Variants in KDM6B observed in about 807,000 individuals in gnomAD.
The protein encoded by KDM6B is lysine demethylase 6B.
In KDM6B, 22 loss-of-function variants were observed where a neutral mutation model predicts 150.4. The ratio of observed to expected loss-of-function variants is 0.15; its 90% CI spans 0.10 to 0.21. The LOEUF (loss-of-function observed/expected upper bound fraction) is 0.21, where lower values mean the gene tolerates loss of function less well. Among genes scored for constraint, KDM6B ranks in the 10% least tolerant of loss-of-function variants. The pLI is 1.00. For missense variants in KDM6B, 1,984 were observed against 2,234.3 expected, an observed-to-expected ratio of 0.89 and a Z score of 2.26; for synonymous variants, 1,148 against 921.1, an observed-to-expected ratio of 1.25 and a Z score of -4.46.
At chr17:7,836,503 A>G (rs2078335497) in intron 1 of KDM6B, among the ~76,000 whole-genome samples, 1 of 152,122 alleles carries the variant, frequency 6.6e-6, no homozygotes, top group Non-Finnish European at 1.5e-5. Flanking sequence ...TGCAGATGGA[A>G]GACGGAGCCC....
At chr17:7,850,746 T>A (rs2078675928) in intron 14 of KDM6B, among the ~76,000 whole-genome samples, 1 of 152,216 alleles carries the variant, frequency 6.6e-6, no homozygotes, top group Admixed American at 6.5e-5. Flanking sequence ...TCAGGTGCGG[T>A]GCACATGGCC....
In KDM6B at chr17:7,851,814, G is replaced by A. The variant is rs757785361; in HGVS notation, c.4165+18G>A. 1.9e-5 allele frequency: 30 copies of A among 1,556,364 alleles called. No homozygotes were observed. The African/African-American group carries it at 3.0e-4, about 16-fold the overall frequency. On this transcript the variant is annotated intron_variant, in intron 18 of 23. Coordinates refer to ENST00000448097, the MANE Select transcript of KDM6B (RefSeq NM_001348716.2). Reference sequence around the variant, plus strand: ...AACGCCAGGTGCGCTCCACGCCTGTGCGCGCTGATGCTGGAAGCGCGAGAG... The same window carrying A: ...AACGCCAGGTGCGCTCCACGCCTGTACGCGCTGATGCTGGAAGCGCGAGAG...
rs149649053 is a variant in KDM6B, at chr17:7,849,854, C to G, written c.3474C>G (p.Ser1158=). ...AGGTGAAAGGGAAGTTTCGAGAGTC[C>G]TACCTTTCCCCTGCCCAGTCTGTGA... is the stretch of plus-strand genomic sequence containing the variant. ...NAKVKGKFRE[S]YLSPAQSVKP... The change falls in exon 13 of 24, where the codon TCC becomes TCG. Residue 1158 remains serine, a synonymous_variant. Transcript: ENST00000448097. 18 of 1,613,168 alleles carry G rather than the reference C, an allele frequency of 1.1e-5. No homozygotes were observed. In the African/African-American group the frequency reaches 2.3e-4, roughly 20 times the overall value.
rs2078753786 is a variant in KDM6B at position 7,853,753 on chromosome 17, C to T, written c.*232C>T. 2 of 316,240 alleles carry T rather than the reference C, an allele frequency of 6.3e-6. No homozygotes were observed. The highest frequency in any genetic ancestry group is 5.3e-5 in the East Asian group (1 of 18,716). 19.6% of individuals were successfully genotyped at this position (316,240 alleles called of 1,614,324 possible). A position where few individuals can be genotyped will look rare whatever the true frequency, so the allele number is the denominator to read the frequency against. ...GGAGACGGGGGAGGGGGCTGGCAGC[C>T]CCTCGCCCACCAGCGCCTCCCCTCA... On this transcript the variant is annotated 3_prime_UTR_variant, in exon 24 of 24. Coordinates refer to ENST00000448097, the MANE Select transcript of KDM6B (RefSeq NM_001348716.2).
intron 2 of KDM6B, among the ~76,000 whole-genome samples, chr17:7,841,623 G>A (rs1363151036): frequency 1.3e-5 from 2 of 152,226 alleles, no homozygotes; most frequent in East Asian, 3.8e-4. Context: ...AGGGAGACAA[G>A]ATGAGCAGAT....
chr17:7,845,004 G>T lies in KDM6B; in HGVS notation c.-165G>T, dbSNP rs2078502056. 14 of 180,884 alleles carry T rather than the reference G, an allele frequency of 7.7e-5. No individual in the cohort carries two copies. The highest frequency in any genetic ancestry group is 6.2e-4 in the South Asian group (6 of 9,682). The allele number at this position is 180,884 out of a possible 1,614,324, so 11.2% of individuals were successfully genotyped here. A position where few individuals can be genotyped will look rare whatever the true frequency, so the allele number is the denominator to read the frequency against. On this transcript the variant is annotated 5_prime_UTR_variant, in exon 3 of 24. Coordinates refer to ENST00000448097, the MANE Select transcript of KDM6B (RefSeq NM_001348716.2). ...GAGCTTGCCGACGCGGTGTGAGGAC[G>T]CTCCCACGGAGGCCGGGTAAGCGGC...
At chr17:7,837,987 T>C (rs937269362) in intron 1 of KDM6B, among the ~76,000 whole-genome samples, 2 of 151,968 alleles carry the variant, frequency 1.3e-5, no homozygotes, top group African/African-American at 4.8e-5. Context: ...AGATTTGTAT[T>C]GCTTTCTTTA....
Position 7,847,578 on chromosome 17 carries a change from G to A in KDM6B, c.1290G>A (p.Leu430=). The change falls in exon 12 of 24, where the codon CTG becomes CTA. Residue 430 remains leucine, a synonymous_variant. Coordinates refer to ENST00000448097, the MANE Select transcript of KDM6B (RefSeq NM_001348716.2). ...PGADHYQTPA[L]EVSHHGRLGP... is the part of the protein sequence containing the mutation. ...CTGACCATTACCAAACTCCCGCGCT[G>A]GAGGTCTCTCACCATGGCCGCCTGG... The A allele has an allele frequency of 6.2e-7, 1 of 1,613,356 alleles. No homozygotes were observed.
intron 17 of KDM6B, 42 bp from the exon 18 acceptor site, chr17:7,851,606 C>CG (rs776146900): frequency 5.4e-5 from 87 of 1,605,682 alleles, no homozygotes; most frequent in South Asian, 2.0e-4. Flanking sequence ...GACCTCGTGG[C>CG]GGGGGCGGGG....
rs748221551 is a variant in KDM6B at position 7,848,094 on chromosome 17, G to T, written c.1806G>T (p.Leu602=). 1 of 1,611,528 alleles carries T rather than the reference G, an allele frequency of 6.2e-7. No individual in the cohort carries two copies. Among genetic ancestry groups the T allele is most frequent in the Non-Finnish European group, 8.5e-7 (1 of 1,179,458 alleles). Reference sequence around the variant, plus strand: ...CCCAGGACCCACCTCTTGTACCCCTGACTCTTGCCCTGCCTCCAGCCCCTC... The same window carrying T: ...CCCAGGACCCACCTCTTGTACCCCTTACTCTTGCCCTGCCTCCAGCCCCTC... ...QNPQDPPLVP[L]TLALPPAPPS... The change falls in exon 12 of 24, where the codon CTG becomes CTT. Residue 602 remains leucine (L), a synonymous_variant. Coordinates refer to ENST00000448097, the MANE Select transcript of KDM6B (RefSeq NM_001348716.2).
intron 2 of KDM6B, among the ~76,000 whole-genome samples, chr17:7,841,037 CTT>C (rs1049194240): frequency 6.6e-6 from 1 of 152,202 alleles, no homozygotes; most frequent in Admixed American, 6.5e-5. Flanking sequence ...AAGCCTAGCT[CTT>C]TCATTCTTCA....
At chr17:7,840,517 C>T (rs2078398142) in intron 2 of KDM6B, 2 of 152,238 alleles carry the variant, frequency 1.3e-5, no homozygotes, top group Admixed American at 1.3e-4. Context: ...TCTTTCAGTC[C>T]CATTCTCTCC....
rs1007104072 is a variant in KDM6B, at chr17:7,848,096, C to G, written c.1808C>G (p.Thr603Ser). 6.2e-7 allele frequency: 1 copy of G among 1,612,638 alleles called. No individual in the cohort carries two copies. Among genetic ancestry groups the G allele is most frequent in the African/African-American group, 1.3e-5 (1 of 74,742 alleles). Residue 603 changes from threonine (T) to serine (S), a missense_variant, in exon 12 of 24, where the codon ACT becomes AGT. By Grantham distance (58) the Thr-to-Ser change is moderately conservative (BLOSUM62 1). Around this residue, in one of 13 missense-constraint regions of KDM6B, gnomAD observed 1,379 missense variants for 1,275.6 expected, o/e 1.08. Coordinates refer to ENST00000448097, the MANE Select transcript of KDM6B (RefSeq NM_001348716.2). ...CAGGACCCACCTCTTGTACCCCTGA[C>G]TCTTGCCCTGCCTCCAGCCCCTCCT... ...NPQDPPLVPL[T>S]LALPPAPPSS...
At position 7,851,025 on chromosome 17, in the gene KDM6B, G is replaced by T; in HGVS notation, c.3678G>T (p.Leu1226Phe). The T allele has an allele frequency of 6.2e-7, 1 of 1,604,098 alleles. No homozygotes were observed. Among genetic ancestry groups the T allele is most frequent in the East Asian group, 2.3e-5 (1 of 44,342 alleles). Residue 1226 changes from leucine (L) to phenylalanine (F), a missense_variant, in exon 15 of 24, where the codon TTG (leucine) becomes TTT (phenylalanine). Leu to Phe is a conservative substitution (Grantham distance 22). This residue lies in a region of KDM6B where 25 missense variants were observed against 36.4 expected (regional missense o/e 0.69). Transcript: ENST00000448097. ...CTGCTCGGCCCTCCCTTCCAGACTT[G>T]GGCCTCTTCTCCACCAAGACCCTGG... ...RGLAGSLRLN[L>F]GLFSTKTLVE...
At chr17:7,846,034 C>G in intron 6 of KDM6B, 44 bp from the exon 7 acceptor site, 1 of 1,568,362 alleles carries the variant, frequency 6.4e-7, no homozygotes, top group Non-Finnish European at 8.7e-7. Flanking sequence ...AGAGTCCCCT[C>G]AAGCCCAACC....
At position 7,845,667 on chromosome 17, in the gene KDM6B, G is replaced by A. The variant is rs531880923; in HGVS notation, c.113G>A (p.Arg38His). Reference protein sequence around the residue: ...WSSCPPHPPPRSAWLPGGRCS... With the variant: ...WSSCPPHPPPHSAWLPGGRCS... ...TCCTGCCCGCCTCATCCCCCTCCTCGTAGCGCATGGCTGCCTGGAGGCAGG... is the reference window on the plus strand; with the variant it reads ...TCCTGCCCGCCTCATCCCCCTCCTCATAGCGCATGGCTGCCTGGAGGCAGG... The change falls in exon 5 of 24, where the codon CGT (arginine) becomes CAT (histidine). Residue 38 changes from arginine (R) to histidine (H), a missense_variant. By Grantham distance (29) the Arg-to-His change is conservative (BLOSUM62 0). Coordinates refer to ENST00000448097, the MANE Select transcript of KDM6B (RefSeq NM_001348716.2). 17 of 1,614,084 alleles carry A rather than the reference G, an allele frequency of 1.1e-5. No individual in the cohort carries two copies. The highest frequency in any genetic ancestry group is 6.6e-5 in the South Asian group (6 of 91,084).
intron 21 of KDM6B, 97 bp downstream of exon 21, chr17:7,852,733 C>T (rs2078724402): frequency 1.3e-6 from 2 of 1,535,756 alleles, no homozygotes; most frequent in Non-Finnish European, 1.8e-6. Context: ...TCTCTCCATC[C>T]TTGTCTGCCT....
chr17:7,848,450 C>T lies in KDM6B; in HGVS notation c.2162C>T (p.Pro721Leu). Reference sequence around the variant, plus strand: ...CAACAACACGAAGCAGGCGTGGCCCCCCAACCCCCGCTGAAGGAGCCCTTT... The same window carrying T: ...CAACAACACGAAGCAGGCGTGGCCCTCCAACCCCCGCTGAAGGAGCCCTTT... ...EQQQHEAGVA[P>L]QPPLKEPFAS... is the part of the protein sequence containing the mutation. Residue 721 changes from proline (P) to leucine (L), a missense_variant, in exon 12 of 24, where the codon CCC becomes CTC. Physicochemically the swap from Pro to Leu is moderately conservative, Grantham distance 98. Coordinates refer to ENST00000448097, the MANE Select transcript of KDM6B (RefSeq NM_001348716.2). 1 of 1,612,616 alleles carries T rather than the reference C, an allele frequency of 6.2e-7. No homozygotes were observed. Among genetic ancestry groups the T allele is most frequent in the Non-Finnish European group, 8.5e-7 (1 of 1,179,982 alleles).
In KDM6B at chr17:7,852,082, G is replaced by T. The variant is rs770240183; in HGVS notation, c.4280+17G>T. 2 of 1,613,474 alleles carry T rather than the reference G, an allele frequency of 1.2e-6. No homozygotes were observed. Among genetic ancestry groups the T allele is most frequent in the Non-Finnish European group, 1.7e-6 (2 of 1,179,720 alleles). On this transcript the variant is annotated intron_variant, in intron 19 of 23. Coordinates refer to ENST00000448097, the MANE Select transcript of KDM6B (RefSeq NM_001348716.2). Reference sequence around the variant, plus strand: ...CTGTGATCGGTGCGTGCCGTCCTGCGCAAGTCAGACTGCCGCGTCCCCGCC... The same window carrying T: ...CTGTGATCGGTGCGTGCCGTCCTGCTCAAGTCAGACTGCCGCGTCCCCGCC...
Sources: allele counts gnomAD v4.1 joint callset (sites outside exome capture counted in the v4.1 genomes callset), GRCh38; gene constraint gnomAD v4.1.1; regional missense constraint gnomAD v4.1.1; transcripts MANE v1.5; gene names NCBI Gene and HGNC (gene_info 2026-07-23, HGNC 2026-07-21).